The following MOB1A variants were observed in gnomAD, a reference collection of about 807,000 sequenced individuals.
The protein encoded by MOB1A is MOB kinase activator 1A, also known as MOB1 Mps One Binder homolog A.
Under a neutral mutation model 25.1 loss-of-function variants are expected in MOB1A, and 10 were observed. That is an observed-to-expected ratio of 0.40 (90% CI 0.25 to 0.68). The LOEUF is 0.68. Ranked by LOEUF, MOB1A falls within the 30% of genes least tolerant of loss-of-function variation. The probability of loss-of-function intolerance (pLI) is 0.40; values close to 1 mark genes in which losing one functional copy is unlikely to be tolerated. For missense variants in MOB1A, 177 were observed against 256.3 expected, an observed-to-expected ratio of 0.69 and a Z score of 2.11; for synonymous variants, 81 against 79.5, an observed-to-expected ratio of 1.02 and a Z score of -0.10.
intron 1 of MOB1A, among the ~76,000 whole-genome samples, chr2:74,176,024 T>A (rs1003660632): frequency 8.0e-5 from 12 of 150,478 alleles, no homozygotes; most frequent in Non-Finnish European, 1.6e-4. Flanking sequence ...GGCGGGTGGA[T>A]CACTTGAGGT....
In MOB1A at chr2:74,178,822, G is replaced by A. The variant is rs1027589650; in HGVS notation, c.-148C>T. 2 of 429,226 alleles carry A rather than the reference G, an allele frequency of 4.7e-6. No individual in the cohort carries two copies. The highest frequency in any genetic ancestry group is 7.6e-6 in the Non-Finnish European group (2 of 264,368). 26.6% of individuals were successfully genotyped at this position (429,226 alleles called of 1,614,324 possible). A position where few individuals can be genotyped will look rare whatever the true frequency, so the allele number is the denominator to read the frequency against. ...GGAGCCGGGTTTCTGGCCGCTGCGA[G>A]CCTTTGCAAACCTCGGCGCCCGCCT... On this transcript the variant is annotated 5_prime_UTR_variant, in exon 1 of 6. Transcript: ENST00000396049.
intron 1 of MOB1A, among the ~76,000 whole-genome samples, chr2:74,175,964 A>T (rs1440065556): frequency 6.6e-6 from 1 of 151,956 alleles, no homozygotes; most frequent in Non-Finnish European, 1.5e-5. Flanking sequence ...AGTAAAAAAG[A>T]GCCGGGTGCA....
At chr2:74,175,548 A>C (rs1572968411) in intron 1 of MOB1A, among the ~76,000 whole-genome samples, 1 of 152,210 alleles carries the variant, frequency 6.6e-6, no homozygotes, top group African/African-American at 2.4e-5. Flanking sequence ...GTATCTATTA[A>C]TACTGAAAAG....
intron 4 of MOB1A, among the ~76,000 whole-genome samples, chr2:74,162,836 A>T (rs1263844418): frequency 6.6e-6 from 1 of 152,208 alleles, no homozygotes; most frequent in Non-Finnish European, 1.5e-5. Flanking sequence ...TTCATCCATG[A>T]ATACTGATGC....
intron 1 of MOB1A, among the ~76,000 whole-genome samples, chr2:74,176,648 C>T (rs867376632): frequency 6.6e-5 from 10 of 151,654 alleles, no homozygotes; most frequent in African/African-American, 7.3e-5. Flanking sequence ...CCTGTAGTCC[C>T]AGCTACTTGG....
intron 4 of MOB1A, among the ~76,000 whole-genome samples, chr2:74,163,133 C>T (rs1693020891): frequency 6.6e-6 from 1 of 152,154 alleles, no homozygotes; most frequent in Non-Finnish European, 1.5e-5. Context: ...CGGATGTCTG[C>T]CATCATCACC....
intron 2 of MOB1A, among the ~76,000 whole-genome samples, chr2:74,169,992 G>C (rs147686589): frequency 6.6e-6 from 1 of 152,200 alleles, no homozygotes; most frequent in East Asian, 1.9e-4. Flanking sequence ...AATTTTTTAA[G>C]AGGGTAAGTG....
chr2:74,166,882 T>A, intron 3 of MOB1A, 132 bp downstream of exon 3: 1 of 620,918 alleles, frequency 1.6e-6, no homozygotes, highest in South Asian at 2.2e-5. Flanking sequence ...AGCTTACAGG[T>A]GAGTAGTCAA....
chr2:74,178,330 C>G (rs1693537287), intron 1 of MOB1A: 1 of 228,576 alleles, frequency 4.4e-6, no homozygotes, highest in South Asian at 1.8e-4. Context: ...TCTAGAAGCT[C>G]GAGACAAGAG....
At chr2:74,171,860 G>C (rs1693304744) in intron 2 of MOB1A, among the ~76,000 whole-genome samples, 1 of 151,962 alleles carries the variant, frequency 6.6e-6, no homozygotes, top group African/African-American at 2.4e-5. Flanking sequence ...GCAAGATTGA[G>C]CCATTGCACT....
chr2:74,160,449 C>T (rs985777172), intron 4 of MOB1A, among the ~76,000 whole-genome samples: 1 of 152,156 alleles, frequency 6.6e-6, no homozygotes, highest in Non-Finnish European at 1.5e-5. Flanking sequence ...CTTTGGGAGG[C>T]CGAGGGGGGC....
chr2:74,172,755 G>C lies in MOB1A; in HGVS notation c.15-3C>G. On this transcript the variant is annotated splice_region_variant and splice_polypyrimidine_tract_variant and intron_variant, in intron 1 of 5. Coordinates refer to ENST00000396049, the MANE Select transcript of MOB1A (RefSeq NM_018221.5). The stretch of plus-strand genomic sequence containing the variant: ...ATGTTTTAGAAGAGCGGCTGCTGCT[G>C]TAAGATTAAAAGTGCAAGTATATGA... The C allele has an allele frequency of 1.2e-6, 2 of 1,611,442 alleles. No individual in the cohort carries two copies. The highest frequency in any genetic ancestry group is 1.1e-5 in the South Asian group (1 of 90,854).
intron 2 of MOB1A, among the ~76,000 whole-genome samples, chr2:74,172,192 G>A (rs772289425): frequency 6.6e-6 from 1 of 152,258 alleles, no homozygotes; most frequent in East Asian, 1.9e-4. Flanking sequence ...CATATGAACT[G>A]CAATTGACTT....
At chr2:74,176,439 A>T (rs1693468177) in intron 1 of MOB1A, among the ~76,000 whole-genome samples, 1 of 151,762 alleles carries the variant, frequency 6.6e-6, no homozygotes, top group South Asian at 2.1e-4. Context: ...ATGTATAAAG[A>T]AGTCCTACAA....
intron 3 of MOB1A, among the ~76,000 whole-genome samples, chr2:74,165,758 G>C (rs1693112419): frequency 6.6e-6 from 1 of 152,084 alleles, no homozygotes; most frequent in Non-Finnish European, 1.5e-5. Flanking sequence ...CTGTTTTGGG[G>C]GCCAGGTGTT....
chr2:74,175,723 G>C (rs760520404), intron 1 of MOB1A, among the ~76,000 whole-genome samples: 9 of 152,138 alleles, frequency 5.9e-5, no homozygotes, highest in Non-Finnish European at 1.2e-4. Flanking sequence ...ATATTGTATA[G>C]AAGTTAAGAA....
chr2:74,175,154 G>C (rs958213346), intron 1 of MOB1A, among the ~76,000 whole-genome samples: 4 of 152,168 alleles, frequency 2.6e-5, no homozygotes, highest in African/African-American at 9.7e-5. Context: ...ACACTACTGT[G>C]AACTGTGCAT....
intron 4 of MOB1A, 114 bp downstream of exon 4, chr2:74,165,104 G>A: frequency 1.4e-6 from 1 of 698,328 alleles, no homozygotes; most frequent in Non-Finnish European, 2.1e-6. Context: ...AGGATCACTT[G>A]AGGCCAGGAG....
Position 74,156,667 on chromosome 2 carries a change from C to T in MOB1A, c.574-22G>A, listed in dbSNP as rs774012845. The T allele has an allele frequency of 4.6e-6, 7 of 1,515,176 alleles. No homozygotes were observed. In the Admixed American group the frequency reaches 1.2e-4, roughly 26 times the overall value. 93.9% of individuals were successfully genotyped at this position (1,515,176 alleles called of 1,614,324 possible). ...ACTCCTAAAAAGAGAAGAAAAATAA[C>T]AATTAAAAATGGATCTAAAACTGAA... On this transcript the variant is annotated intron_variant, in intron 5 of 5. Transcript: ENST00000396049.
Sources: gnomAD v4.1 joint callset for allele counts (sites outside exome capture counted in the v4.1 genomes callset) on GRCh38, gnomAD v4.1.1 for gene constraint, MANE v1.5 for transcripts, NCBI Gene and HGNC (gene_info 2026-07-23, HGNC 2026-07-21) for gene names.